Variants in TRIM43B observed in about 807,000 individuals in gnomAD.
The protein encoded by TRIM43B is tripartite motif containing 43B.
TRIM43B carries 15 observed loss-of-function variants against 27.0 expected under a neutral mutation model. The observed-to-expected ratio is 0.55, with a 90% confidence interval of 0.37 to 0.85. The LOEUF (loss-of-function observed/expected upper bound fraction) is 0.85. Among genes scored for constraint, TRIM43B ranks in the 40% least tolerant of loss-of-function variants. TRIM43B has a pLI of 0.00. For synonymous variants in TRIM43B, 69 were observed against 97.8 expected (o/e 0.71, Z 1.74); for missense variants, 172 against 289.8 (o/e 0.59, Z 2.95).
At position 95,480,578 on chromosome 2, in the gene TRIM43B, T is replaced by C. The variant is rs180777622; in HGVS notation, c.508-43A>G. On this transcript the variant is annotated intron_variant, in intron 3 of 6. Transcript: ENST00000639673. ...TTGTAGGTTATATACCCAGGCCTAC[T>C]TCCACCTCACAGAGCCCACAACTTC... The C allele has an allele frequency of 7.7e-5, 123 of 1,600,954 alleles. 2 individuals are homozygous for C. Among genetic ancestry groups the C allele is most frequent in the Admixed American group, 7.4e-4 (44 of 59,534 alleles).
intron 2 of TRIM43B, 64 bp from the exon 3 acceptor site, chr2:95,481,754 T>C (rs1683530407): frequency 6.5e-7 from 1 of 1,544,528 alleles, no homozygotes; most frequent in Non-Finnish European, 8.8e-7. Flanking sequence ...CTGAGTGGTA[T>C]AAGCAGGCAA....
Position 95,481,729 on chromosome 2 carries a change from C to T in TRIM43B, c.412-39G>A, listed in dbSNP as rs1235956890. The T allele has an allele frequency of 2.5e-6, 4 of 1,591,532 alleles. No homozygotes were observed. The South Asian group carries it at 3.4e-5, about 14-fold the overall frequency. Reference sequence around the variant, plus strand: ...AAAGGTTGAACAGAAAGTCAAATACCAAAGATTCCACCATCTGAGTGGTAT... The same window carrying T: ...AAAGGTTGAACAGAAAGTCAAATACTAAAGATTCCACCATCTGAGTGGTAT... On this transcript the variant is annotated intron_variant, in intron 2 of 6. Coordinates refer to ENST00000639673, the Ensembl canonical transcript of TRIM43B.
Position 95,482,569 on chromosome 2 carries a change from G to A in TRIM43B, c.146C>T (p.Pro49Leu), listed in dbSNP as rs551182192. Residue 49 changes from proline (P) to leucine (L), a missense_variant, in exon 2 of 7, where the codon CCT (proline) becomes CTT (leucine). Physicochemically the swap from Pro to Leu is moderately conservative, Grantham distance 98. Around this residue, in one of 3 missense-constraint regions of TRIM43B, gnomAD observed 74 missense variants for 150.7 expected, o/e 0.49. Coordinates refer to ENST00000639673, the Ensembl canonical transcript of TRIM43B. Reference sequence around the variant, plus strand: ...TTCCCTGCATGCAGGGCAGTTTGCAGGACTTTGGGCTTCCTCCCACGAAAG... The same window carrying A: ...TTCCCTGCATGCAGGGCAGTTTGCAAGACTTTGGGCTTCCTCCCACGAAAG... The A allele has an allele frequency of 3.3e-4, 531 of 1,613,078 alleles. 5 individuals carry two copies. The East Asian group carries it at 0.011, about 34-fold the overall frequency.
At chr2:95,483,042 A>G (rs528214527) in intron 1 of TRIM43B, among the ~76,000 whole-genome samples, 32 of 152,076 alleles carry the variant, frequency 2.1e-4, no homozygotes, top group African/African-American at 5.6e-4. Flanking sequence ...GTAAACTCAA[A>G]GTTTGAGTCT....
intron 3 of TRIM43B, 132 bp downstream of exon 3, chr2:95,481,463 G>T (rs534786795): frequency 4.0e-5 from 27 of 670,370 alleles, no homozygotes; most frequent in Non-Finnish European, 6.3e-5. Flanking sequence ...GAACAGTCTG[G>T]TTGTTTTCCA....
chr2:95,481,264 C>G (rs1486245943), intron 3 of TRIM43B, among the ~76,000 whole-genome samples: 1 of 152,144 alleles, frequency 6.6e-6, no homozygotes, highest in East Asian at 1.9e-4. Flanking sequence ...CCGGACAATA[C>G]CATATTCACC....
intron 3 of TRIM43B, among the ~76,000 whole-genome samples, chr2:95,480,811 C>T (rs767442690): frequency 1.3e-5 from 2 of 152,104 alleles, no homozygotes; most frequent in African/African-American, 4.8e-5. Flanking sequence ...GGATAATACA[C>T]ATAATCTTTG....
At chr2:95,482,192 G>A (rs1573604194) in intron 2 of TRIM43B, 112 bp downstream of exon 2, 1 of 1,017,332 alleles carries the variant, frequency 9.8e-7, no homozygotes, top group South Asian at 1.7e-5. Flanking sequence ...ACCTAGAACA[G>A]CACCTGGCAC....
At chr2:95,483,838 C>G (rs554220935) in intron 1 of TRIM43B, among the ~76,000 whole-genome samples, 1 of 151,742 alleles carries the variant, frequency 6.6e-6, no homozygotes, top group Admixed American at 6.6e-5. Flanking sequence ...CCCCCCAAAA[C>G]AAAAACAAAA....
intron 1 of TRIM43B, among the ~76,000 whole-genome samples, chr2:95,484,068 T>TA (rs33962775): frequency 0.32 from 34,843 of 108,142 alleles, 5,713 homozygotes; most frequent in Non-Finnish European, 0.4. Flanking sequence ...TATATAAATT[T>TA]AAAAAAAAAA....
chr2:95,483,837 A>G (rs1284082210), intron 1 of TRIM43B, among the ~76,000 whole-genome samples: 1 of 151,902 alleles, frequency 6.6e-6, no homozygotes, highest in Non-Finnish European at 1.5e-5. Flanking sequence ...CCCCCCCAAA[A>G]CAAAAACAAA....
chr2:95,482,746 A>G (rs1485230287), intron 1 of TRIM43B, 28 bp from the exon 2 acceptor site: 3 of 1,567,926 alleles, frequency 1.9e-6, no homozygotes, highest in Non-Finnish European at 2.6e-6. Flanking sequence ...CAGGAATTTA[A>G]TCTTCTACCC....
At chr2:95,482,327 C>G (rs575739368) in exon 2 of TRIM43B, 2 of 1,611,538 alleles carry the variant, frequency 1.2e-6, no homozygotes, top group Admixed American at 3.3e-5. Flanking sequence ...GCTGCCTCTT[C>G]GATGGGATAG....
chr2:95,484,083 A>C (rs1258321067), intron 1 of TRIM43B, among the ~76,000 whole-genome samples: 1 of 150,454 alleles, frequency 6.6e-6, no homozygotes, highest in Non-Finnish European at 1.5e-5. Context: ...AAAAAAAAAA[A>C]AAAAAGGCCG....
At chr2:95,482,717 T>C (rs1683557388) in exon 2 of TRIM43B, 1 of 1,610,096 alleles carries the variant, frequency 6.2e-7, no homozygotes, top group Non-Finnish European at 8.5e-7. Context: ...GAGTCCATTT[T>C]CCTAAGGAAA....
At chr2:95,482,957 G>C (rs946003253) in intron 1 of TRIM43B, among the ~76,000 whole-genome samples, 9 of 152,062 alleles carry the variant, frequency 5.9e-5, no homozygotes, top group African/African-American at 2.2e-4. Context: ...CTACTTTCTT[G>C]CATGGAAGAA....
exon 2 of TRIM43B, chr2:95,482,649 C>G (rs748548665): frequency 1.2e-6 from 2 of 1,613,604 alleles, no homozygotes; most frequent in African/African-American, 1.3e-5. Context: ...CAGGGTCTAC[C>G]AGGTAGTTCA....
At chr2:95,484,717 C>G (rs1270852344) in exon 1 of TRIM43B, 1 of 151,670 alleles carries the variant, frequency 6.6e-6, no homozygotes, top group Non-Finnish European at 1.5e-5. Flanking sequence ...GTCCCCAAAG[C>G]CAGTTGCAAA....
At chr2:95,481,116 T>A (rs1158949010) in intron 3 of TRIM43B, among the ~76,000 whole-genome samples, 1 of 151,970 alleles carries the variant, frequency 6.6e-6, no homozygotes, top group African/African-American at 2.4e-5. Context: ...GCCCCAGTCA[T>A]TTTTTATCCC....
Sources: gnomAD v4.1 joint callset for allele counts (sites outside exome capture counted in the v4.1 genomes callset) on GRCh38, gnomAD v4.1.1 for gene constraint, gnomAD v4.1.1 regional missense constraint, MANE v1.5 for transcripts, NCBI Gene and HGNC (gene_info 2026-07-23, HGNC 2026-07-21) for gene names.